Variants in PXN observed in about 807,000 individuals in gnomAD.
PXN encodes the protein paxillin.
PXN carries 61 observed loss-of-function variants against 103.6 expected under a neutral mutation model. The ratio of observed to expected loss-of-function variants is 0.59; its 90% CI spans 0.48 to 0.73. The LOEUF (loss-of-function observed/expected upper bound fraction) is 0.73, where lower values mean the gene tolerates loss of function less well. Among genes scored for constraint, PXN ranks in the 30% least tolerant of loss-of-function variants. PXN has a pLI of 0.00. For synonymous variants in PXN, 562 were observed against 607.8 expected (o/e 0.92, Z 1.11); for missense variants, 1,274 against 1,460.3 (o/e 0.87, Z 2.08).
At chr12:120,264,435 C>T (rs1008628800) in intron 1 of PXN, 1 of 152,478 alleles carries the variant, frequency 6.6e-6, no homozygotes. Flanking sequence ...CAGGGCCCTC[C>T]AGCTACAGGC....
rs370265197 is a variant in PXN, at chr12:120,222,550, C to T, written c.694G>A (p.Val232Ile). The change falls in exon 5 of 15, where the codon GTC becomes ATC. Residue 232 changes from valine to isoleucine, a missense_variant and splice_region_variant. Physicochemically the swap from Val to Ile is conservative, Grantham distance 29. Transcript: ENST00000637617. The surrounding 1 kb of genome is among the most constrained non-coding windows in gnomAD (Gnocchi z 4.7). ...DELESSVPSP[V>I]PAITVNQGEM... is the part of the protein sequence containing the mutation. The stretch of plus-strand genomic sequence containing the variant: ...GGGGAGGGCCCAGTGGGTACTCACA[C>T]GGGGCTGGGCACGGAGCTCTCCAGT... 1.6e-4 allele frequency: 251 copies of T among 1,592,556 alleles called. No individual in the cohort carries two copies. The highest frequency in any genetic ancestry group is 1.7e-4 in the Middle Eastern group (1 of 6,032).
At chr12:120,230,967 C>T (rs1056836946) in intron 1 of PXN, among the ~76,000 whole-genome samples, 7 of 152,168 alleles carry the variant, frequency 4.6e-5, no homozygotes, top group African/African-American at 9.7e-5. Context: ...GGGGCCTTGT[C>T]GGTCTTGTTC....
chr12:120,230,493 G>A lies in PXN; in HGVS notation c.14-6116C>T, dbSNP rs76612401. On this transcript the variant is annotated intron_variant, in intron 1 of 14. Transcript: ENST00000637617. Reference sequence around the variant, plus strand: ...GCCCACGCTCAGGGATATAAGCAGTGAGCAGGGCTTGGCCCTTCCTAAGGA... The same window carrying A: ...GCCCACGCTCAGGGATATAAGCAGTAAGCAGGGCTTGGCCCTTCCTAAGGA... 4.7e-4 allele frequency among the ~76,000 whole-genome samples: 72 copies of A among 152,314 alleles called. 1 individual carries two copies. In the East Asian group the frequency reaches 0.014, roughly 29 times the overall value.
chr12:120,244,428 C>T (rs185310210), intron 1 of PXN, among the ~76,000 whole-genome samples: 6,668 of 151,710 alleles, frequency 0.044, 203 homozygotes, highest in South Asian at 0.074. Flanking sequence ...GGGCGGATCA[C>T]GAGGTCAGGA....
chr12:120,260,561 T>A (rs1402353447), intron 1 of PXN, among the ~76,000 whole-genome samples: 2 of 149,654 alleles, frequency 1.3e-5, no homozygotes, highest in East Asian at 3.9e-4. Flanking sequence ...AAATGACAGA[T>A]GTGGAAGACA....
chr12:120,235,078 G>C (rs888940240), intron 1 of PXN, among the ~76,000 whole-genome samples: 2 of 152,264 alleles, frequency 1.3e-5, no homozygotes, highest in African/African-American at 4.8e-5. Context: ...AGAGGCAAGC[G>C]AGGGAAGCTG....
intron 1 of PXN, among the ~76,000 whole-genome samples, chr12:120,260,500 GA>G (rs11433431): frequency 1.2e-4 from 16 of 137,384 alleles, no homozygotes; most frequent in South Asian, 2.3e-4. Context: ...TGAAACTCAG[GA>G]AAAAAAAAAA....
rs1336610405 is a variant in PXN, at chr12:120,229,857, G to C, written c.14-5480C>G. Reference sequence around the variant, plus strand: ...GGAGCCAGCTTTTCCATCCCTTCTTGGAGTTTACAGGCTGCCCTGCCACAC... The same window carrying C: ...GGAGCCAGCTTTTCCATCCCTTCTTCGAGTTTACAGGCTGCCCTGCCACAC... On this transcript the variant is annotated intron_variant, in intron 1 of 14. Transcript: ENST00000637617. This position sits in a 1 kb window ranked among gnomAD's most constrained non-coding sequence, Gnocchi z 4.0. Among the ~76,000 whole-genome samples, 2 of 152,148 alleles carry C rather than the reference G, an allele frequency of 1.3e-5. No individual in the cohort carries two copies. Among genetic ancestry groups the C allele is most frequent in the Non-Finnish European group, 2.9e-5 (2 of 68,018 alleles).
chr12:120,232,375 G>GT (rs1888219658), intron 1 of PXN, among the ~76,000 whole-genome samples: 1 of 152,066 alleles, frequency 6.6e-6, no homozygotes, highest in Non-Finnish European at 1.5e-5. Context: ...AGAATCAGTG[G>GT]GCCCTCCCTC....
chr12:120,226,202 G>A, intron 1 of PXN: 1 of 1,245,072 alleles, frequency 8.0e-7, no homozygotes, highest in Non-Finnish European at 1.0e-6. Flanking sequence ...GGCCCAATCA[G>A]CAATGGGTGG....
intron 1 of PXN, chr12:120,264,143 G>A (rs1027373733): frequency 6.6e-6 from 1 of 152,232 alleles, no homozygotes; most frequent in African/African-American, 2.4e-5. Context: ...CTGCAAAACA[G>A]GCAGGACCCT....
Position 120,215,247 on chromosome 12 carries a change from G to A in PXN, c.2430C>T (p.Ser810=). Residue 810 remains serine, a synonymous_variant, in exon 11 of 15, where the codon AGC becomes AGT. Coordinates refer to ENST00000637617, the MANE Select transcript of PXN (RefSeq NM_001385981.1). This position sits in a 1 kb window ranked among gnomAD's most constrained non-coding sequence, Gnocchi z 4.9. ...GGFMAQGKTG[S]SSPPGGPPKP... ...TCGGGGGCCCCCCAGGGGGTGAGCT[G>A]CTCCCTGTCTTCCCCTGGGCCATGA... 6.3e-7 allele frequency: 1 copy of A among 1,589,074 alleles called. No homozygotes were observed. The highest frequency in any genetic ancestry group is 8.6e-7 in the Non-Finnish European group (1 of 1,168,694).
intron 1 of PXN, chr12:120,226,781 G>A: frequency 1.9e-6 from 2 of 1,038,828 alleles, no homozygotes; most frequent in South Asian, 3.1e-5. Flanking sequence ...ATGCCACAGG[G>A]CAAATCGCTT....
At chr12:120,252,843 C>T (rs1049578824) in intron 1 of PXN, among the ~76,000 whole-genome samples, 1 of 151,766 alleles carries the variant, frequency 6.6e-6, no homozygotes, top group Non-Finnish European at 1.5e-5. Context: ...ACTAAAAATA[C>T]AAAAATTAGA....
chr12:120,256,758 C>T (rs1167837986), intron 1 of PXN, among the ~76,000 whole-genome samples: 1 of 152,144 alleles, frequency 6.6e-6, no homozygotes, highest in Non-Finnish European at 1.5e-5. Context: ...CGCTCTGTCA[C>T]CCAGGCTGGA....
At position 120,215,678 on chromosome 12, in the gene PXN, G is replaced by A. The variant is rs1882654286; in HGVS notation, c.2302-17C>T. The A allele has an allele frequency of 2.5e-6, 4 of 1,589,570 alleles. No individual in the cohort carries two copies. The East Asian group carries it at 9.0e-5, about 36-fold the overall frequency. On this transcript the variant is annotated splice_polypyrimidine_tract_variant and intron_variant, in intron 9 of 14. Coordinates refer to ENST00000637617, the MANE Select transcript of PXN (RefSeq NM_001385981.1). The surrounding 1 kb of genome is among the most constrained non-coding windows in gnomAD (Gnocchi z 4.9). ...GCCCTGGATCTTAGATAGGGGAAGA[G>A]ATGAGGGTAAGAAATCTTTTTTAAA...
chr12:120,226,080 G>A, intron 1 of PXN: 1 of 1,108,344 alleles, frequency 9.0e-7, no homozygotes, highest in Non-Finnish European at 1.1e-6. Flanking sequence ...AGAGGGAGTT[G>A]GTAGGTATCT....
Position 120,233,329 on chromosome 12 carries a change from T to G in PXN, c.14-8952A>C, listed in dbSNP as rs112063306. On this transcript the variant is annotated intron_variant, in intron 1 of 14. Transcript: ENST00000637617. Reference sequence around the variant, plus strand: ...TCATAGGCCTCCTTTTTTTTTGAAATGGAGTCTTGCTCTGTCAACCAGGCT... The same window carrying G: ...TCATAGGCCTCCTTTTTTTTTGAAAGGGAGTCTTGCTCTGTCAACCAGGCT... 2.1e-3 allele frequency among the ~76,000 whole-genome samples: 312 copies of G among 152,106 alleles called. 2 individuals are homozygous for G. The Middle Eastern group carries it at 0.034, about 17-fold the overall frequency.
At position 120,215,486 on chromosome 12, in the gene PXN, G is replaced by C. The variant is rs1227924587; in HGVS notation, c.2403+74C>G. On this transcript the variant is annotated intron_variant, in intron 10 of 14. Coordinates refer to ENST00000637617, the MANE Select transcript of PXN (RefSeq NM_001385981.1). This position sits in a 1 kb window ranked among gnomAD's most constrained non-coding sequence, Gnocchi z 4.9. ...GGCCCACCAGGGTCGGAAAGGCTGA[G>C]GGCACCCAGCAGGCATGGCCAAGCC... is the stretch of plus-strand genomic sequence containing the variant. 1 of 1,507,712 alleles carries C rather than the reference G, an allele frequency of 6.6e-7. No individual in the cohort carries two copies. The highest frequency in any genetic ancestry group is 2.3e-5 in the East Asian group (1 of 43,526). The allele number at this position is 1,507,712 out of a possible 1,614,324, so 93.4% of individuals were successfully genotyped here.
Sources: allele counts gnomAD v4.1 joint callset (sites outside exome capture counted in the v4.1 genomes callset), GRCh38; gene constraint gnomAD v4.1.1; non-coding constraint Gnocchi (gnomAD v3.1); transcripts MANE v1.5; gene names NCBI Gene and HGNC (gene_info 2026-07-23, HGNC 2026-07-21).